Variants in ZNF561 observed in about 807,000 individuals in gnomAD.
ZNF561 encodes the protein zinc finger protein 561.
A neutral mutation model predicts 16.7 loss-of-function variants in ZNF561; 16 were observed. The ratio of observed to expected loss-of-function variants is 0.96; its 90% CI spans 0.65 to 1.45. ZNF561 has a LOEUF of 1.45. Among genes scored for constraint, ZNF561 ranks in the 40% most tolerant of loss-of-function variants. The pLI is 0.00. For missense variants in ZNF561, 580 were observed against 578.0 expected, an observed-to-expected ratio of 1.00 and a Z score of -0.04; for synonymous variants, 190 against 192.1, an observed-to-expected ratio of 0.99 and a Z score of 0.09.
chr19:9,609,946 G>T lies in ZNF561; in HGVS notation c.*254C>A. On this transcript the variant is annotated 3_prime_UTR_variant, in exon 6 of 6. Coordinates refer to ENST00000302851, the MANE Select transcript of ZNF561 (RefSeq NM_152289.3). ...TTTATCTCATACACAACTTGTTAAT[G>T]CTATGATCTTAGGAATCTAATCACC... The T allele has an allele frequency of 5.5e-6, 2 of 360,600 alleles. No individual in the cohort carries two copies. The highest frequency in any genetic ancestry group is 1.0e-5 in the Non-Finnish European group (2 of 198,212). The allele number at this position is 360,600 out of a possible 1,614,324, so 22.3% of individuals were successfully genotyped here. A position where few individuals can be genotyped will look rare whatever the true frequency, so the allele number is the denominator to read the frequency against.
chr19:9,612,971 T>G (rs2074488481), intron 5 of ZNF561, among the ~76,000 whole-genome samples: 1 of 151,800 alleles, frequency 6.6e-6, no homozygotes, highest in African/African-American at 2.4e-5. Context: ...AATTTTTTAT[T>G]CCTTGTAGAG....
At chr19:9,619,323 C>G in intron 2 of ZNF561, 109 bp downstream of exon 2, 1 of 943,320 alleles carries the variant, frequency 1.1e-6, no homozygotes, top group East Asian at 2.6e-5. Flanking sequence ...TTCAATTCCT[C>G]CTAAAAGAAC....
intron 1 of ZNF561, 114 bp downstream of exon 1, chr19:9,621,048 C>A (rs1261117797): frequency 6.6e-6 from 1 of 152,480 alleles, no homozygotes; most frequent in Non-Finnish European, 1.5e-5. Flanking sequence ...GACTGATAGT[C>A]CCTGGAGAAG....
intron 4 of ZNF561, 176 bp downstream of exon 4, chr19:9,616,869 C>T (rs2074563632): frequency 1.3e-6 from 1 of 743,222 alleles, no homozygotes; most frequent in Non-Finnish European, 2.0e-6. Context: ...GCTGGGATTA[C>T]AGGCATGAGC....
intron 2 of ZNF561, 129 bp downstream of exon 2, chr19:9,619,303 T>C: frequency 1.5e-6 from 1 of 659,650 alleles, no homozygotes; most frequent in Non-Finnish European, 2.6e-6. Context: ...CATTCTGTTC[T>C]GTGGTTCACT....
chr19:9,618,695 T>C (rs903447368), intron 2 of ZNF561, among the ~76,000 whole-genome samples: 2 of 150,850 alleles, frequency 1.3e-5, no homozygotes, highest in African/African-American at 4.9e-5. Flanking sequence ...CACTGCACTC[T>C]AGCCTGGGTG....
Position 9,617,171 on chromosome 19 carries a change from C to T in ZNF561, c.115G>A (p.Asp39Asn). Residue 39 changes from aspartate to asparagine, a missense_variant and splice_region_variant, in exon 4 of 6, where the codon GAT becomes AAT. By Grantham distance (23) the Asp-to-Asn change is conservative. Transcript: ENST00000302851. Reference sequence around the variant, plus strand: ...GCCACATCATCAAACGTCACTGAATCCTATGTCATCATACACATGCTGGTT... The same window carrying T: ...GCCACATCATCAAACGTCACTGAATTCTATGTCATCATACACATGCTGGTT... ...VEDYLASGYQ[D>N]SVTFDDVAVD... 1 of 1,612,072 alleles carries T rather than the reference C, an allele frequency of 6.2e-7. No individual in the cohort carries two copies. The highest frequency in any genetic ancestry group is 8.5e-7 in the Non-Finnish European group (1 of 1,178,738).
Position 9,611,280 on chromosome 19 carries a change from G to A in ZNF561, c.381C>T (p.Phe127=), listed in dbSNP as rs747928630. 1.2e-6 allele frequency: 2 copies of A among 1,613,756 alleles called. No individual in the cohort carries two copies. Among genetic ancestry groups the A allele is most frequent in the East Asian group, 4.5e-5 (2 of 44,886 alleles). Residue 127 remains phenylalanine (F), a synonymous_variant, in exon 6 of 6, where the codon TTC becomes TTT. Coordinates refer to ENST00000302851, the MANE Select transcript of ZNF561 (RefSeq NM_152289.3). ...GTGTCTTAAGGCAAAACTGTTCCCT[G>A]AAGACCTCTCCACAATTCTTACAGT... ...LCDCKNCGEV[F]REQFCLKTHM...
chr19:9,619,690 C>T (rs2144908403), intron 1 of ZNF561, 108 bp from the exon 2 acceptor site: 1 of 394,334 alleles, frequency 2.5e-6, no homozygotes, highest in East Asian at 4.0e-5. Flanking sequence ...AAAAATTGCC[C>T]ACTCAGTACC....
Position 9,608,882 on chromosome 19 carries a change from T to C in ZNF561, c.*1318A>G, listed in dbSNP as rs1389015590. The C allele has an allele frequency of 6.6e-6, 1 of 152,140 alleles. No individual in the cohort carries two copies. Among genetic ancestry groups the C allele is most frequent in the Non-Finnish European group, 1.5e-5 (1 of 68,028 alleles). 9.4% of individuals were successfully genotyped at this position (152,140 alleles called of 1,614,324 possible). On this transcript the variant is annotated 3_prime_UTR_variant, in exon 6 of 6. Transcript: ENST00000302851. ...CTTCCTGAGTGCTTACAGGAAAATG[T>C]GCTCAGAACAGGCCCCCCAAATTTG...
In ZNF561 at chr19:9,610,798, C is replaced by T; in HGVS notation, c.863G>A (p.Arg288Lys). ...EKSFECKECG[R>K]SFRNSSCLND... Reference sequence around the variant, plus strand: ...AAGGCATGAGGAATTTCTAAAGGATCTTCCACATTCTTTACATTCAAAGGA... The same window carrying T: ...AAGGCATGAGGAATTTCTAAAGGATTTTCCACATTCTTTACATTCAAAGGA... Residue 288 changes from arginine (R) to lysine (K), a missense_variant, in exon 6 of 6, where the codon AGA becomes AAA. Coordinates refer to ENST00000302851, the MANE Select transcript of ZNF561 (RefSeq NM_152289.3). 1.9e-6 allele frequency: 3 copies of T among 1,613,996 alleles called. No individual in the cohort carries two copies. The highest frequency in any genetic ancestry group is 2.5e-6 in the Non-Finnish European group (3 of 1,179,940).
chr19:9,619,542 A>G lies in ZNF561; in HGVS notation c.-86T>C. 7.1e-7 allele frequency: 1 copy of G among 1,416,280 alleles called. No homozygotes were observed. Among genetic ancestry groups the G allele is most frequent in the South Asian group, 1.2e-5 (1 of 85,372 alleles). 87.7% of individuals were successfully genotyped at this position (1,416,280 alleles called of 1,614,324 possible). A position where few individuals can be genotyped will look rare whatever the true frequency, so the allele number is the denominator to read the frequency against. On this transcript the variant is annotated 5_prime_UTR_variant, in exon 2 of 6. Coordinates refer to ENST00000302851, the MANE Select transcript of ZNF561 (RefSeq NM_152289.3). ...CCAGCTTATGAATCTAGGTGGATAG[A>G]GGCAATCTCCATTCCTCTTTGTACA...
Position 9,609,824 on chromosome 19 carries a change from T to G in ZNF561, c.*376A>C, listed in dbSNP as rs1469781312. On this transcript the variant is annotated 3_prime_UTR_variant, in exon 6 of 6. Coordinates refer to ENST00000302851, the MANE Select transcript of ZNF561 (RefSeq NM_152289.3). ...AGGAGCATCTCTTAACAACCCACCT[T>G]TGGGGTCCTACATCATCTTGGCTTC... 5.8e-6 allele frequency: 1 copy of G among 173,008 alleles called. No individual in the cohort carries two copies. Among genetic ancestry groups the G allele is most frequent in the African/African-American group, 2.4e-5 (1 of 41,964 alleles). The allele number at this position is 173,008 out of a possible 1,614,324, so 10.7% of individuals were successfully genotyped here.
Position 9,619,485 on chromosome 19 carries a change from C to G in ZNF561, c.-29G>C. The G allele has an allele frequency of 6.2e-7, 1 of 1,612,296 alleles. No individual in the cohort carries two copies. The stretch of plus-strand genomic sequence containing the variant: ...CTGAAGCTGATGGTGTGATGATGTG[C>G]ATCCCTTCCTTGATGCCAAGATCAC... On this transcript the variant is annotated 5_prime_UTR_variant, in exon 2 of 6. An upstream start codon of the reference 5' UTR is lost. Coordinates refer to ENST00000302851, the MANE Select transcript of ZNF561 (RefSeq NM_152289.3).
In ZNF561 at chr19:9,611,256, T is replaced by C. The variant is rs370344687; in HGVS notation, c.405A>G (p.Thr135=). 6 of 1,614,028 alleles carry C rather than the reference T, an allele frequency of 3.7e-6. No homozygotes were observed. Among genetic ancestry groups the C allele is most frequent in the Non-Finnish European group, 5.1e-6 (6 of 1,179,924 alleles). ...TCCCTCCATTCTGAACTCTCATGTG[T>C]GTCTTAAGGCAAAACTGTTCCCTGA... ...EVFREQFCLK[T]HMRVQNGGNT... Residue 135 remains threonine (T), a synonymous_variant, in exon 6 of 6, where the codon ACA becomes ACG. Coordinates refer to ENST00000302851, the MANE Select transcript of ZNF561 (RefSeq NM_152289.3).
At position 9,618,178 on chromosome 19, in the gene ZNF561, C is replaced by T. The variant is rs957038237; in HGVS notation, c.27G>A (p.Gly9=). 2 of 1,550,352 alleles carry T rather than the reference C, an allele frequency of 1.3e-6. No individual in the cohort carries two copies. Among genetic ancestry groups the T allele is most frequent in the Non-Finnish European group, 1.7e-6 (2 of 1,146,292 alleles). The change falls in exon 3 of 6, where the codon GGG becomes GGA. Residue 9 remains glycine, a splice_region_variant and synonymous_variant. Coordinates refer to ENST00000302851, the MANE Select transcript of ZNF561 (RefSeq NM_152289.3). MAAIYLSR[G]FFSREPICPF... ...GGCAGATTGGTTCCCTGGAAAAAAA[C>T]CCTAGTGGAAAAGTAAGAAGGCATG...
chr19:9,618,109 G>C lies in ZNF561; in HGVS notation c.96C>G (p.Tyr32Ter). The change falls in exon 3 of 6, where the codon TAC (tyrosine) becomes TAG (stop). Residue 32 changes from tyrosine to a stop codon, truncating the protein, a stop_gained. Transcript: ENST00000302851. LOFTEE classifies it high-confidence loss of function. ...TGCTTACCTGATAACCACTTGCCAG[G>C]TAGTCCTCCACCATCCTTTCTACCT... ...KTKVERMVED[Y>*]LASGYQDSVT... 6.4e-7 allele frequency: 1 copy of C among 1,551,176 alleles called. No individual in the cohort carries two copies. The highest frequency in any genetic ancestry group is 8.7e-7 in the Non-Finnish European group (1 of 1,146,636).
Position 9,610,179 on chromosome 19 carries a change from T to G in ZNF561, c.*21A>C. The G allele has an allele frequency of 1.3e-6, 2 of 1,539,784 alleles. No homozygotes were observed. The highest frequency in any genetic ancestry group is 1.2e-5 in the South Asian group (1 of 80,072). On this transcript the variant is annotated 3_prime_UTR_variant, in exon 6 of 6. Transcript: ENST00000302851. ...TAATCTTTGGTGTCATTGCCAATAATTAAAGATGGCAACCGATGGGCTAAA... is the reference window on the plus strand; with the variant it reads ...TAATCTTTGGTGTCATTGCCAATAAGTAAAGATGGCAACCGATGGGCTAAA...
rs991333659 is a variant in ZNF561, at chr19:9,609,532, TAA to T, written c.*666_*667del. 1 of 152,190 alleles carries T rather than the reference TAA, an allele frequency of 6.6e-6. No individual in the cohort carries two copies. Among genetic ancestry groups the T allele is most frequent in the Non-Finnish European group, 1.5e-5 (1 of 68,048 alleles). The allele number at this position is 152,190 out of a possible 1,614,324, so 9.4% of individuals were successfully genotyped here. A position where few individuals can be genotyped will look rare whatever the true frequency, so the allele number is the denominator to read the frequency against. On this transcript the variant is annotated 3_prime_UTR_variant, in exon 6 of 6. Coordinates refer to ENST00000302851, the MANE Select transcript of ZNF561 (RefSeq NM_152289.3). ...AAAGTGTGGCTGAACGATCATCTGA[TAA>T]AGAGATCATGAGTGGGATTCATGGA...
Sources: gnomAD v4.1 joint callset for allele counts (sites outside exome capture counted in the v4.1 genomes callset) on GRCh38, gnomAD v4.1.1 for gene constraint, MANE v1.5 for transcripts, NCBI Gene and HGNC (gene_info 2026-07-23, HGNC 2026-07-21) for gene names.